Variants in RFC3 observed in about 807,000 individuals in gnomAD.
RFC3 encodes A1 38 kDa subunit.
A neutral mutation model predicts 45.1 loss-of-function variants in RFC3; 41 were observed. The ratio of observed to expected loss-of-function variants is 0.91; its 90% CI spans 0.71 to 1.18. The LOEUF (loss-of-function observed/expected upper bound fraction) is 1.18. Among genes scored for constraint, RFC3 ranks in the 50% most tolerant of loss-of-function variants. The probability of loss-of-function intolerance (pLI) is 0.00; values close to 1 mark genes in which losing one functional copy is unlikely to be tolerated. For synonymous variants in RFC3, 149 were observed against 144.0 expected, an observed-to-expected ratio of 1.03 and a Z score of -0.25; for missense variants, 423 against 428.1, an observed-to-expected ratio of 0.99 and a Z score of 0.10.
chr13:33,874,438 C>T (rs1283640474), intron 8 of RFC3, among the ~76,000 whole-genome samples: 2 of 152,260 alleles, frequency 1.3e-5, no homozygotes, highest in Non-Finnish European at 2.9e-5. Context: ...CTGCCTCAGC[C>T]TCCTGTGTAG....
chr13:33,821,864 C>T (rs2082006702), intron 2 of RFC3, among the ~76,000 whole-genome samples: 1 of 152,222 alleles, frequency 6.6e-6, no homozygotes. Context: ...TTTTCTTCTA[C>T]AACTTGTAGT....
chr13:33,878,822 C>T (rs1305709066), intron 8 of RFC3, among the ~76,000 whole-genome samples: 2 of 152,136 alleles, frequency 1.3e-5, no homozygotes, highest in Non-Finnish European at 2.9e-5. Context: ...AAAACCTTTT[C>T]TTTGTTTATT....
chr13:33,876,932 C>T (rs1451691372), intron 8 of RFC3, among the ~76,000 whole-genome samples: 1 of 152,194 alleles, frequency 6.6e-6, no homozygotes, highest in Non-Finnish European at 1.5e-5. Flanking sequence ...CGCAAAAAAG[C>T]CTGGTGTCTA....
intron 8 of RFC3, among the ~76,000 whole-genome samples, chr13:33,912,939 G>A (rs147758997): frequency 6.6e-6 from 1 of 152,030 alleles, no homozygotes; most frequent in East Asian, 1.9e-4. Flanking sequence ...AGAAATCATA[G>A]ATAAATTGCA....
At chr13:33,831,770 C>G (rs2082107259) in intron 7 of RFC3, among the ~76,000 whole-genome samples, 1 of 152,154 alleles carries the variant, frequency 6.6e-6, no homozygotes, top group Non-Finnish European at 1.5e-5. Context: ...ACTTCTAGTT[C>G]TTGTCCTGAA....
At chr13:33,973,246 G>T in the RFC3 span, among the ~76,000 whole-genome samples, 1 of 152,168 alleles carries the variant, frequency 6.6e-6, no homozygotes, top group Non-Finnish European at 1.5e-5. Context: ...CCTATGGAAA[G>T]ATATCTTAAA....
chr13:33,932,082 A>T (rs553935965), intron 8 of RFC3, among the ~76,000 whole-genome samples: 1 of 152,240 alleles, frequency 6.6e-6, no homozygotes, highest in East Asian at 1.9e-4. Context: ...CACTGCAGAG[A>T]TATCAGTATG....
intron 8 of RFC3, among the ~76,000 whole-genome samples, chr13:33,880,546 C>T (rs369774794): frequency 6.6e-6 from 1 of 152,134 alleles, no homozygotes; most frequent in Admixed American, 6.5e-5. Flanking sequence ...GCTGTTATTG[C>T]GCCTCTGATA....
intron 8 of RFC3, among the ~76,000 whole-genome samples, chr13:33,939,189 C>T (rs1173331553): frequency 1.3e-5 from 2 of 152,046 alleles, no homozygotes; most frequent in Non-Finnish European, 1.5e-5. Context: ...CTTGGTTAAT[C>T]ACATATTTTG....
chr13:33,829,724 A>G, intron 4 of RFC3, 112 bp from the exon 5 acceptor site: 3 of 807,576 alleles, frequency 3.7e-6, no homozygotes, highest in Non-Finnish European at 6.5e-6. Flanking sequence ...GAAGAGTAGT[A>G]TATCAGGCTT....
chr13:33,923,978 A>C (rs1237961800), intron 8 of RFC3, among the ~76,000 whole-genome samples: 2 of 152,240 alleles, frequency 1.3e-5, no homozygotes, highest in East Asian at 1.9e-4. Flanking sequence ...CTGATTTCCC[A>C]AGATCCAAAA....
At chr13:33,932,274 AAGTT>A (rs1421504574) in intron 8 of RFC3, among the ~76,000 whole-genome samples, 5 of 152,164 alleles carry the variant, frequency 3.3e-5, no homozygotes, top group Non-Finnish European at 5.9e-5. Flanking sequence ...GCCATTAAAA[AAGTT>A]AGTAATTTTT....
chr13:33,818,772 G>A (rs3135537), intron 1 of RFC3, among the ~76,000 whole-genome samples: 26,992 of 151,706 alleles, frequency 0.18, 3,569 homozygotes, highest in African/African-American at 0.33. Flanking sequence ...GCTGGCTTAA[G>A]ATTTCTCGAT....
intron 8 of RFC3, among the ~76,000 whole-genome samples, chr13:33,949,117 A>G (rs1418237368): frequency 1.3e-5 from 2 of 152,058 alleles, no homozygotes; most frequent in Admixed American, 1.3e-4. Context: ...CCCACGTGTC[A>G]AGTGTGGGAA....
chr13:33,833,377 A>T (rs1279994120), intron 7 of RFC3, among the ~76,000 whole-genome samples: 1 of 152,164 alleles, frequency 6.6e-6, no homozygotes, highest in Non-Finnish European at 1.5e-5. Context: ...ATTAAAAAAA[A>T]AACCCTGACA....
chr13:33,904,831 G>T (rs952856269), intron 8 of RFC3, among the ~76,000 whole-genome samples: 1 of 152,038 alleles, frequency 6.6e-6, no homozygotes, highest in Non-Finnish European at 1.5e-5. Context: ...ATTCCCCATG[G>T]CCAAATAAGC....
intron 4 of RFC3, among the ~76,000 whole-genome samples, chr13:33,826,429 G>A (rs982151885): frequency 6.6e-6 from 1 of 152,158 alleles, no homozygotes; most frequent in Non-Finnish European, 1.5e-5. Flanking sequence ...CAACACTGAG[G>A]ATAATTTGTT....
At chr13:33,964,651 A>T (rs9598402) in intron 8 of RFC3, among the ~76,000 whole-genome samples, 2,302 of 152,272 alleles carry the variant, frequency 0.015, 68 homozygotes, top group African/African-American at 0.053. Flanking sequence ...TTTACCACAA[A>T]GTAGTTTTAG....
chr13:33,825,022 A>G (rs779021894), intron 3 of RFC3, among the ~76,000 whole-genome samples: 2 of 152,178 alleles, frequency 1.3e-5, no homozygotes, highest in Non-Finnish European at 2.9e-5. Flanking sequence ...GCTCTTTGAG[A>G]AAATAAAGTT....
Sources: gnomAD v4.1 joint callset for allele counts (sites outside exome capture counted in the v4.1 genomes callset) on GRCh38, gnomAD v4.1.1 for gene constraint, MANE v1.5 for transcripts, NCBI Gene and HGNC (gene_info 2026-07-23, HGNC 2026-07-21) for gene names.